CXXC5: variants seen among roughly 807,000 people sequenced by gnomAD.
CXXC5 encodes CXXC finger protein 5, also known as CXXC-type zinc finger protein 5.
A neutral mutation model predicts 17.6 loss-of-function variants in CXXC5; 2 were observed. That is an observed-to-expected ratio of 0.11 (90% confidence interval 0.05 to 0.36). The LOEUF is 0.36. CXXC5 is among the 10% of genes least tolerant of loss of function. CXXC5 has a pLI of 1.00. For missense variants in CXXC5, 343 were observed against 458.3 expected (o/e 0.75, Z 2.30); for synonymous variants, 171 against 193.0 (o/e 0.89, Z 0.94).
chr5:139,649,447 C>T (rs952305869), intron 1 of CXXC5: 1 of 152,218 alleles, frequency 6.6e-6, no homozygotes, highest in African/African-American at 2.4e-5. Flanking sequence ...GCGACGTTAA[C>T]TGCTCTGGGC....
chr5:139,669,931 T>C (rs1016555436), intron 1 of CXXC5, among the ~76,000 whole-genome samples: 2 of 152,208 alleles, frequency 1.3e-5, no homozygotes, highest in East Asian at 3.9e-4. Flanking sequence ...TGCTCCGAGG[T>C]CTTCTGGCTC....
chr5:139,662,003 A>G (rs929546328), intron 1 of CXXC5, among the ~76,000 whole-genome samples: 3 of 152,216 alleles, frequency 2.0e-5, no homozygotes, highest in African/African-American at 7.2e-5. Context: ...CTGGAGAAGG[A>G]GTGCCAGGGA....
At chr5:139,662,962 A>G (rs7730885) in intron 1 of CXXC5, among the ~76,000 whole-genome samples, 70,518 of 152,036 alleles carry the variant, frequency 0.46, 18,658 homozygotes, top group African/African-American at 0.73. Context: ...CCAGGCGAGC[A>G]TGCCCCTCCA....
rs1488625588 is a variant in CXXC5 at position 139,680,631 on chromosome 5, C to T, written c.108C>T (p.Asp36=). The change falls in exon 2 of 3, where the codon GAC becomes GAT. Residue 36 remains aspartate (D), a synonymous_variant. Coordinates refer to ENST00000302517, the MANE Select transcript of CXXC5 (RefSeq NM_016463.9). ...GTGGCCCAAAGGCAGGAGCAGCAGA[C>T]AAGAGTGCAGTGGTGGCTGCCGCCG... ...GSSGPKAGAA[D]KSAVVAAAAP... The T allele has an allele frequency of 1.2e-6, 2 of 1,612,574 alleles. No homozygotes were observed. The highest frequency in any genetic ancestry group is 3.3e-5 in the Admixed American group (2 of 60,002).
rs146287272 is a variant in CXXC5 at position 139,652,904 on chromosome 5, T to C, written c.-161+4059T>C. On this transcript the variant is annotated intron_variant, in intron 1 of 2. Coordinates refer to ENST00000302517, the MANE Select transcript of CXXC5 (RefSeq NM_016463.9). ...CTGGGGGATCTGACTCTGAGTAGAG[T>C]GTGTCTGAATTGTGAATGTGGGAGT... 2.2e-4 allele frequency among the ~76,000 whole-genome samples: 34 copies of C among 152,112 alleles called. No individual in the cohort carries two copies. In the East Asian group the frequency reaches 6.6e-3, roughly 29 times the overall value.
rs747664043 is a variant in CXXC5, at chr5:139,682,886, C to T, written c.948C>T (p.Ala316=). ...ALEKVMLPTG[A]AFRWFQ ...AGAAGGTGATGCTTCCGACGGGAGCCGCCTTCCGGTGGTTTCAGTGACGGC... is the reference window on the plus strand; with the variant it reads ...AGAAGGTGATGCTTCCGACGGGAGCTGCCTTCCGGTGGTTTCAGTGACGGC... The change falls in exon 3 of 3, where the codon GCC becomes GCT. Residue 316 remains alanine, a synonymous_variant. Coordinates refer to ENST00000302517, the MANE Select transcript of CXXC5 (RefSeq NM_016463.9). 2.4e-5 allele frequency: 38 copies of T among 1,594,758 alleles called. No individual in the cohort carries two copies. Among genetic ancestry groups the T allele is most frequent in the Non-Finnish European group, 2.9e-5 (34 of 1,170,314 alleles).
Position 139,661,070 on chromosome 5 carries a change from C to A in CXXC5, c.-161+12225C>A, listed in dbSNP as rs930440819. Among the ~76,000 whole-genome samples the A allele has an allele frequency of 5.9e-5, 9 of 152,284 alleles. No homozygotes were observed. The South Asian group carries it at 6.2e-4, about 11-fold the overall frequency. On this transcript the variant is annotated intron_variant, in intron 1 of 2. Coordinates refer to ENST00000302517, the MANE Select transcript of CXXC5 (RefSeq NM_016463.9). This position sits in a 1 kb window ranked among gnomAD's most constrained non-coding sequence, Gnocchi z 4.7. ...TCTGGGGGACCAGGACAGCCTCCCC[C>A]ACCTCCGCCCTCATGCTCTTCCCCA...
intron 1 of CXXC5, among the ~76,000 whole-genome samples, chr5:139,662,322 A>G (rs929202229): frequency 6.6e-6 from 1 of 152,110 alleles, no homozygotes; most frequent in Non-Finnish European, 1.5e-5. Context: ...TGGGGTGCTG[A>G]GAGCTGAGGG....
chr5:139,679,750 C>T (rs1429990216), intron 1 of CXXC5: 1 of 152,242 alleles, frequency 6.6e-6, no homozygotes, highest in Non-Finnish European at 1.5e-5. Flanking sequence ...CATCCTCAAC[C>T]TCCTGGGCTC....
intron 1 of CXXC5, among the ~76,000 whole-genome samples, chr5:139,655,091 G>A (rs1276647385): frequency 6.6e-6 from 1 of 152,140 alleles, no homozygotes; most frequent in Non-Finnish European, 1.5e-5. Flanking sequence ...TTTCTTGATA[G>A]GGTGGCTGGC....
chr5:139,663,741 G>A lies in CXXC5; in HGVS notation c.-161+14896G>A, dbSNP rs956393715. Among the ~76,000 whole-genome samples, 7 of 152,200 alleles carry A rather than the reference G, an allele frequency of 4.6e-5. No homozygotes were observed. Among genetic ancestry groups the A allele is most frequent in the Non-Finnish European group, 8.8e-5 (6 of 68,034 alleles). Reference sequence around the variant, plus strand: ...GACGTTCACACTTATGCTGGCAGATGTGGACAGTAAAAACAACAACATGGC... The same window carrying A: ...GACGTTCACACTTATGCTGGCAGATATGGACAGTAAAAACAACAACATGGC... On this transcript the variant is annotated intron_variant, in intron 1 of 2. Transcript: ENST00000302517. This position sits in a 1 kb window ranked among gnomAD's most constrained non-coding sequence, Gnocchi z 4.2.
In CXXC5 at chr5:139,668,957, C is replaced by T. The variant is rs1199039017; in HGVS notation, c.-160-11407C>T. ...TTAGGGAGCTGGGCTTTGTATACCC[C>T]TCCCAGTCTCCTCTCTTGGGGGGTT... On this transcript the variant is annotated intron_variant, in intron 1 of 2. Coordinates refer to ENST00000302517, the MANE Select transcript of CXXC5 (RefSeq NM_016463.9). The surrounding 1 kb of genome is among the most constrained non-coding windows in gnomAD (Gnocchi z 4.1). Among the ~76,000 whole-genome samples the T allele has an allele frequency of 6.6e-6, 1 of 152,148 alleles. No homozygotes were observed. Among genetic ancestry groups the T allele is most frequent in the Admixed American group, 6.5e-5 (1 of 15,278 alleles).
chr5:139,669,913 C>T (rs921998389), intron 1 of CXXC5, among the ~76,000 whole-genome samples: 1 of 152,226 alleles, frequency 6.6e-6, no homozygotes, highest in African/African-American at 2.4e-5. Flanking sequence ...ATCCACCCTA[C>T]TGGGAGGTGC....
chr5:139,674,652 A>C (rs1323426776), intron 1 of CXXC5, among the ~76,000 whole-genome samples: 2 of 152,234 alleles, frequency 1.3e-5, no homozygotes, highest in Non-Finnish European at 2.9e-5. Context: ...AAATCATTAA[A>C]TTATATGTAT....
At position 139,650,763 on chromosome 5, in the gene CXXC5, C is replaced by G. The variant is rs529284035; in HGVS notation, c.-161+1918C>G. 9.2e-5 allele frequency among the ~76,000 whole-genome samples: 14 copies of G among 152,318 alleles called. No individual in the cohort carries two copies. In the East Asian group the frequency reaches 2.5e-3, roughly 27 times the overall value. The stretch of plus-strand genomic sequence containing the variant: ...CCAACCGCCACTAGAAAACCGGGAA[C>G]TGAGACCGAAGCCCCCTCTAAACCC... On this transcript the variant is annotated intron_variant, in intron 1 of 2. Coordinates refer to ENST00000302517, the MANE Select transcript of CXXC5 (RefSeq NM_016463.9).
At chr5:139,681,927 C>T (rs1479157125) in intron 2 of CXXC5, among the ~76,000 whole-genome samples, 1 of 152,210 alleles carries the variant, frequency 6.6e-6, no homozygotes, top group African/African-American at 2.4e-5. Flanking sequence ...CCCAAGGCCA[C>T]CCAAGGATAG....
Position 139,670,164 on chromosome 5 carries a change from A to ACCTCCCTCCCTCCTCCTCAG in CXXC5, c.-160-10193_-160-10174dup, listed in dbSNP as rs1554084257. On this transcript the variant is annotated intron_variant, in intron 1 of 2. Transcript: ENST00000302517. The surrounding 1 kb of genome is among the most constrained non-coding windows in gnomAD (Gnocchi z 4.2). Reference sequence around the variant, plus strand: ...TTTTGTGTTCCGGGGCTGCGGCGACACCTCCCTCCCTCCTCCTCAGCCTCC... The same window carrying ACCTCCCTCCCTCCTCCTCAG: ...TTTTGTGTTCCGGGGCTGCGGCGACACCTCCCTCCCTCCTCCTCAGCCTCCCTCCCTCCTCCTCAGCCTCC... Among the ~76,000 whole-genome samples the ACCTCCCTCCCTCCTCCTCAG allele has an allele frequency of 9.3e-5, 14 of 150,240 alleles. No homozygotes were observed. Among genetic ancestry groups the ACCTCCCTCCCTCCTCCTCAG allele is most frequent in the African/African-American group, 2.9e-4 (12 of 40,722 alleles).
At chr5:139,665,151 G>A (rs921200223) in intron 1 of CXXC5, among the ~76,000 whole-genome samples, 6 of 152,258 alleles carry the variant, frequency 3.9e-5, no homozygotes, top group African/African-American at 1.4e-4. Context: ...GGCGGGCAGG[G>A]GGGAGTGCCA....
chr5:139,667,516 C>T (rs1414126606), intron 1 of CXXC5, among the ~76,000 whole-genome samples: 1 of 152,202 alleles, frequency 6.6e-6, no homozygotes, highest in Non-Finnish European at 1.5e-5. Context: ...GTCACACAGC[C>T]TGTTGAGGGG....
Sources: allele counts gnomAD v4.1 joint callset (sites outside exome capture counted in the v4.1 genomes callset), GRCh38; gene constraint gnomAD v4.1.1; non-coding constraint Gnocchi (gnomAD v3.1); transcripts MANE v1.5; gene names NCBI Gene and HGNC (gene_info 2026-07-23, HGNC 2026-07-21).